Variants in CHRM3 observed in about 807,000 individuals in gnomAD.
The protein encoded by CHRM3 is cholinergic receptor muscarinic 3, also known as muscarinic acetylcholine receptor M3.
A neutral mutation model predicts 41.8 loss-of-function variants in CHRM3; 11 were observed. The ratio of observed to expected loss-of-function variants is 0.26; its 90% CI spans 0.17 to 0.44. The LOEUF (loss-of-function observed/expected upper bound fraction) is 0.44. CHRM3 is among the 20% of genes least tolerant of loss of function. The pLI is 1.00. For missense variants in CHRM3, 571 were observed against 745.4 expected (o/e 0.77, Z 2.72); for synonymous variants, 297 against 301.4 (o/e 0.99, Z 0.15).
At chr1:239,645,069 C>A (rs1428288477) in intron 4 of CHRM3, among the ~76,000 whole-genome samples, 1 of 152,224 alleles carries the variant, frequency 6.6e-6, no homozygotes, top group Non-Finnish European at 1.5e-5. Context: ...CAGTCTATGG[C>A]TGGGCACTGA....
At chr1:239,756,126 T>A (rs1666224187) in intron 5 of CHRM3, among the ~76,000 whole-genome samples, 1 of 152,196 alleles carries the variant, frequency 6.6e-6, no homozygotes, top group Admixed American at 6.5e-5. Context: ...TGGTACTGTA[T>A]GTATTATGGC....
chr1:239,602,805 CAT>C (rs1402107727), intron 3 of CHRM3, among the ~76,000 whole-genome samples: 5 of 151,988 alleles, frequency 3.3e-5, no homozygotes, highest in African/African-American at 4.8e-5. Context: ...AAACAGATAA[CAT>C]AATATTTTCC....
At chr1:239,647,144 T>C (rs180795688) in intron 4 of CHRM3, among the ~76,000 whole-genome samples, 1,632 of 152,324 alleles carry the variant, frequency 0.011, 17 homozygotes, top group Non-Finnish European at 0.015. Flanking sequence ...AGGCTCTCCA[T>C]TGATTTCAGT....
intron 6 of CHRM3, among the ~76,000 whole-genome samples, chr1:239,897,528 T>G (rs1679112789): frequency 6.6e-6 from 1 of 152,190 alleles, no homozygotes. Context: ...TCCTCCACTA[T>G]AAAGGCACAG....
intron 6 of CHRM3, among the ~76,000 whole-genome samples, chr1:239,863,398 C>T (rs1419537695): frequency 2.0e-5 from 3 of 152,296 alleles, no homozygotes; most frequent in Non-Finnish European, 2.9e-5. Context: ...TCTGCTCCAT[C>T]GGTGTGGGCA....
chr1:239,818,250 A>C (rs1671752615), intron 5 of CHRM3, among the ~76,000 whole-genome samples: 1 of 152,146 alleles, frequency 6.6e-6, no homozygotes, highest in African/African-American at 2.4e-5. Flanking sequence ...TTTTACAAAA[A>C]CACCCATCCT....
At chr1:239,527,942 A>G (rs1670108910) in intron 2 of CHRM3, among the ~76,000 whole-genome samples, 2 of 151,976 alleles carry the variant, frequency 1.3e-5, no homozygotes, top group South Asian at 4.1e-4. Flanking sequence ...ACTGCTTTCT[A>G]TGAAAGTGGA....
intron 6 of CHRM3, among the ~76,000 whole-genome samples, chr1:239,865,571 A>C (rs2149292776): frequency 6.6e-6 from 1 of 152,312 alleles, no homozygotes; most frequent in South Asian, 2.1e-4. Context: ...CAATGGCACT[A>C]TTCCAAGAGG....
intron 4 of CHRM3, among the ~76,000 whole-genome samples, chr1:239,650,800 G>T (rs920552968): frequency 6.6e-6 from 1 of 152,140 alleles, no homozygotes; most frequent in Non-Finnish European, 1.5e-5. Context: ...TTAATTACTG[G>T]ATTATATCAT....
chr1:239,429,973 C>T (rs111944360), intron 1 of CHRM3, among the ~76,000 whole-genome samples: 5 of 138,210 alleles, frequency 3.6e-5, no homozygotes, highest in Non-Finnish European at 6.2e-5. Context: ...CCCAGACAAT[C>T]TTTTTTTTTT....
intron 2 of CHRM3, among the ~76,000 whole-genome samples, chr1:239,541,216 T>A (rs1658742931): frequency 1.3e-5 from 2 of 152,168 alleles, no homozygotes; most frequent in Admixed American, 1.3e-4. Context: ...TGTACTAATA[T>A]CTGTGTGACT....
intron 1 of CHRM3, among the ~76,000 whole-genome samples, chr1:239,479,331 G>T (rs947490445): frequency 6.6e-6 from 1 of 151,980 alleles, no homozygotes; most frequent in Non-Finnish European, 1.5e-5. Flanking sequence ...TAGTCGAAAT[G>T]CTATAACCAA....
intron 6 of CHRM3, among the ~76,000 whole-genome samples, chr1:239,863,348 G>A (rs77959912): frequency 0.018 from 2,754 of 152,248 alleles, 97 homozygotes; most frequent in African/African-American, 0.063. Context: ...TGACGCAGCC[G>A]TCACCTTAGG....
intron 4 of CHRM3, among the ~76,000 whole-genome samples, chr1:239,634,374 A>AATGAAAGAAAGAAAG (rs752532235): frequency 0.24 from 35,768 of 149,104 alleles, 5,094 homozygotes; most frequent in East Asian, 0.63. Flanking sequence ...AGCAAGAACA[A>AATGAAAGAAAGAAAG]ACGAAAGAAA....
At chr1:239,832,214 G>T (rs906013071) in intron 6 of CHRM3, among the ~76,000 whole-genome samples, 2 of 152,018 alleles carry the variant, frequency 1.3e-5, no homozygotes, top group Non-Finnish European at 2.9e-5. Context: ...TCATGGGTTC[G>T]TGGCCAGCCA....
intron 4 of CHRM3, among the ~76,000 whole-genome samples, chr1:239,659,137 G>A (rs1246456561): frequency 6.6e-6 from 1 of 152,114 alleles, no homozygotes; most frequent in East Asian, 1.9e-4. Flanking sequence ...AAGGTTAACA[G>A]GTATGAGTTC....
chr1:239,673,686 C>T (rs6661345), intron 4 of CHRM3, among the ~76,000 whole-genome samples: 68,526 of 151,712 alleles, frequency 0.45, 16,421 homozygotes, highest in African/African-American at 0.6. Flanking sequence ...TTTTAGTTTT[C>T]ATTAACATAT....
At chr1:239,500,236 G>A (rs561398834) in intron 2 of CHRM3, among the ~76,000 whole-genome samples, 149 of 152,240 alleles carry the variant, frequency 9.8e-4, no homozygotes, top group African/African-American at 3.5e-3. Context: ...AAGAATGATA[G>A]ATTGGATTAA....
chr1:239,462,547 G>A lies in CHRM3; in HGVS notation c.-520-30162G>A, dbSNP rs1441662434. 2.0e-5 allele frequency among the ~76,000 whole-genome samples: 3 copies of A among 152,280 alleles called. No individual in the cohort carries two copies. The South Asian group carries it at 6.2e-4, about 32-fold the overall frequency. On this transcript the variant is annotated intron_variant, in intron 1 of 6. Coordinates refer to ENST00000676153, the MANE Select transcript of CHRM3 (RefSeq NM_001375978.1). ...TACCTTCACACTTTTACAGCTGCCT[G>A]CAGGGTACGTGTAAAAATAATTTGA...
Sources: gnomAD v4.1 joint callset for allele counts (sites outside exome capture counted in the v4.1 genomes callset) on GRCh38, gnomAD v4.1.1 for gene constraint, MANE v1.5 for transcripts, NCBI Gene and HGNC (gene_info 2026-07-23, HGNC 2026-07-21) for gene names.